Variants in CERS6 observed in about 807,000 individuals in gnomAD.
CERS6 encodes the protein LAG1 homolog, ceramide synthase 6.
CERS6 carries 26 observed loss-of-function variants against 56.8 expected under a neutral mutation model. The ratio of observed to expected loss-of-function variants is 0.46; its 90% CI spans 0.34 to 0.63. The LOEUF (loss-of-function observed/expected upper bound fraction) is 0.63, where lower values mean the gene tolerates loss of function less well. CERS6 is among the 30% of genes least tolerant of loss of function. The pLI is 0.01. For missense variants in CERS6, 415 were observed against 467.5 expected, an observed-to-expected ratio of 0.89 and a Z score of 1.04; for synonymous variants, 164 against 173.3, an observed-to-expected ratio of 0.95 and a Z score of 0.42.
At chr2:168,727,670 A>C (rs1242797711) in intron 8 of CERS6, among the ~76,000 whole-genome samples, 1 of 152,178 alleles carries the variant, frequency 6.6e-6, no homozygotes, top group Non-Finnish European at 1.5e-5. Context: ...TTATTTTTCA[A>C]AATGTATTTT....
intron 1 of CERS6, among the ~76,000 whole-genome samples, chr2:168,531,811 A>C (rs1574046858): frequency 2.1e-5 from 3 of 146,014 alleles, no homozygotes; most frequent in African/African-American, 7.7e-5. Context: ...ACAGAGCGAG[A>C]CTCTGTCTCA....
Position 168,772,834 on chromosome 2 carries a change from G to C in CERS6, c.*3172G>C, listed in dbSNP as rs991697955. ...GCTGCATCATTATATAATGCCACAG[G>C]CATCTAGTCAAGGTAAAGAAGCCAG... On this transcript the variant is annotated 3_prime_UTR_variant, in exon 10 of 10. Coordinates refer to ENST00000305747, the MANE Select transcript of CERS6 (RefSeq NM_203463.3). 1 of 152,610 alleles carries C rather than the reference G, an allele frequency of 6.6e-6. No individual in the cohort carries two copies. Among genetic ancestry groups the C allele is most frequent in the Non-Finnish European group, 1.5e-5 (1 of 68,042 alleles). 9.5% of individuals were successfully genotyped at this position (152,610 alleles called of 1,614,324 possible).
chr2:168,611,924 C>T (rs1574099693), intron 3 of CERS6, among the ~76,000 whole-genome samples: 1 of 152,280 alleles, frequency 6.6e-6, no homozygotes, highest in East Asian at 1.9e-4. Flanking sequence ...AGATGTCTGT[C>T]CTAGAGTCAT....
At chr2:168,659,728 C>G (rs1463746875) in intron 4 of CERS6, among the ~76,000 whole-genome samples, 2 of 151,774 alleles carry the variant, frequency 1.3e-5, no homozygotes, top group Non-Finnish European at 2.9e-5. Context: ...GCCATGAACT[C>G]TTTGCAAAGT....
chr2:168,528,336 G>A (rs1466443759), intron 1 of CERS6, among the ~76,000 whole-genome samples: 2 of 152,118 alleles, frequency 1.3e-5, no homozygotes, highest in Admixed American at 6.5e-5. Context: ...CTCTAGTGGG[G>A]GGCTGCCCCC....
At chr2:168,630,261 G>T (rs1293944561) in intron 3 of CERS6, among the ~76,000 whole-genome samples, 1 of 151,286 alleles carries the variant, frequency 6.6e-6, no homozygotes, top group Admixed American at 6.6e-5. Context: ...AAATAAAATT[G>T]GGAATTTAGT....
intron 3 of CERS6, among the ~76,000 whole-genome samples, chr2:168,589,691 T>G (rs1322513662): frequency 6.7e-6 from 1 of 148,640 alleles, no homozygotes; most frequent in East Asian, 1.9e-4. Flanking sequence ...CTAATACTAC[T>G]TCTTCTACTC....
At chr2:168,754,272 G>A (rs13394749) in intron 8 of CERS6, among the ~76,000 whole-genome samples, 5,558 of 152,258 alleles carry the variant, frequency 0.037, 335 homozygotes, top group African/African-American at 0.13. Flanking sequence ...CAGTTGGTGT[G>A]TTCAAGGTGC....
intron 3 of CERS6, among the ~76,000 whole-genome samples, chr2:168,595,844 A>G (rs550226066): frequency 1.3e-5 from 2 of 152,272 alleles, no homozygotes; most frequent in South Asian, 2.1e-4. Flanking sequence ...GAAGAATTGT[A>G]TGTTTTTTTT....
chr2:168,753,310 A>G (rs7584241), intron 8 of CERS6, among the ~76,000 whole-genome samples: 5,593 of 152,300 alleles, frequency 0.037, 342 homozygotes, highest in African/African-American at 0.13. Flanking sequence ...TGATTCTAGT[A>G]GTTAACATTA....
intron 2 of CERS6, among the ~76,000 whole-genome samples, chr2:168,551,493 G>T (rs1260059938): frequency 1.3e-5 from 2 of 152,096 alleles, no homozygotes; most frequent in Admixed American, 1.3e-4. Flanking sequence ...TAGCTCATAT[G>T]TAAAAATCTT....
At chr2:168,504,203 AGT>A (rs1364188674) in intron 1 of CERS6, among the ~76,000 whole-genome samples, 9 of 152,044 alleles carry the variant, frequency 5.9e-5, no homozygotes, top group Non-Finnish European at 1.2e-4. Flanking sequence ...TGAGTTCAAG[AGT>A]CAAGACCAGC....
At chr2:168,657,241 T>G (rs1399735418) in intron 4 of CERS6, among the ~76,000 whole-genome samples, 1 of 150,804 alleles carries the variant, frequency 6.6e-6, no homozygotes, top group East Asian at 2.0e-4. Flanking sequence ...CCAGAGCAGC[T>G]AATACAGAGT....
At chr2:168,647,566 T>C (rs1026394087) in intron 4 of CERS6, among the ~76,000 whole-genome samples, 8 of 152,140 alleles carry the variant, frequency 5.3e-5, no homozygotes, top group African/African-American at 1.9e-4. Flanking sequence ...ATAGGAGTGG[T>C]GAGAGAGATC....
intron 4 of CERS6, among the ~76,000 whole-genome samples, chr2:168,681,964 G>T (rs10185466): frequency 0.07 from 10,599 of 152,150 alleles, 539 homozygotes; most frequent in African/African-American, 0.15. Flanking sequence ...CAAATGGCAG[G>T]ATTTCATTCC....
intron 2 of CERS6, among the ~76,000 whole-genome samples, chr2:168,559,480 T>C (rs1209680295): frequency 6.6e-6 from 1 of 151,994 alleles, no homozygotes; most frequent in Non-Finnish European, 1.5e-5. Context: ...CCATCTTCTC[T>C]TGTAACCTCA....
rs1247425918 is a variant in CERS6, at chr2:168,773,291, G to C, written c.*3629G>C. On this transcript the variant is annotated 3_prime_UTR_variant, in exon 10 of 10. Transcript: ENST00000305747. The stretch of plus-strand genomic sequence containing the variant: ...AAGAGTAATTCCAAAGGTATTAAAA[G>C]ATTGTTTAACAGTATGTGTGGTGAT... The C allele has an allele frequency of 6.6e-6, 1 of 152,200 alleles. No individual in the cohort carries two copies. Among genetic ancestry groups the C allele is most frequent in the Non-Finnish European group, 1.5e-5 (1 of 68,038 alleles). The allele number at this position is 152,200 out of a possible 1,614,324, so 9.4% of individuals were successfully genotyped here.
chr2:168,725,471 T>A (rs545401385), intron 8 of CERS6, among the ~76,000 whole-genome samples: 174 of 152,346 alleles, frequency 1.1e-3, no homozygotes, highest in Admixed American at 2.7e-3. Context: ...CACTAACACA[T>A]CCTTAAATAA....
intron 4 of CERS6, among the ~76,000 whole-genome samples, chr2:168,652,236 A>G (rs1005875436): frequency 6.6e-6 from 1 of 152,184 alleles, no homozygotes; most frequent in East Asian, 1.9e-4. Context: ...CACTAATTTC[A>G]TAATTTTCCC....
Sources: gnomAD v4.1 joint callset for allele counts (sites outside exome capture counted in the v4.1 genomes callset) on GRCh38, gnomAD v4.1.1 for gene constraint, MANE v1.5 for transcripts, NCBI Gene and HGNC (gene_info 2026-07-23, HGNC 2026-07-21) for gene names.